The following KCNIP3 variants were observed in gnomAD, a reference collection of about 807,000 sequenced individuals.
The protein encoded by KCNIP3 is calsenilin.
KCNIP3 carries 28 observed loss-of-function variants against 35.0 expected under a neutral mutation model. That is an observed-to-expected ratio of 0.80 (90% CI 0.59 to 1.10). The LOEUF (loss-of-function observed/expected upper bound fraction) is 1.10, where lower values mean the gene tolerates loss of function less well. Among genes scored for constraint, KCNIP3 ranks in the 50% least tolerant of loss-of-function variants. The pLI is 0.00. For synonymous variants in KCNIP3, 134 were observed against 133.8 expected, an observed-to-expected ratio of 1.00 and a Z score of -0.01; for missense variants, 295 against 338.4, an observed-to-expected ratio of 0.87 and a Z score of 1.01.
chr2:95,346,765 A>C (rs1304209199), intron 2 of KCNIP3: 1 of 157,030 alleles, frequency 6.4e-6, no homozygotes, highest in Non-Finnish European at 1.4e-5. Context: ...TTGCCGGCTG[A>C]CTCGGAAAGT....
intron 2 of KCNIP3, among the ~76,000 whole-genome samples, chr2:95,368,224 C>T (rs1397393742): frequency 6.6e-6 from 1 of 152,160 alleles, no homozygotes; most frequent in African/African-American, 2.4e-5. Context: ...CAGAATAACC[C>T]TGAGACTTGA....
At chr2:95,318,619 C>A (rs1648768539) in intron 2 of KCNIP3, among the ~76,000 whole-genome samples, 1 of 152,172 alleles carries the variant, frequency 6.6e-6, no homozygotes, top group Non-Finnish European at 1.5e-5. Context: ...TCTGCCTGCA[C>A]CCGGGGCTGA....
chr2:95,317,364 G>A (rs981657323), intron 2 of KCNIP3, among the ~76,000 whole-genome samples: 11 of 152,208 alleles, frequency 7.2e-5, no homozygotes, highest in African/African-American at 2.4e-4. Context: ...CCAGGAAGCC[G>A]CAGGGGCCCT....
Position 95,382,431 on chromosome 2 carries a change from C to A in KCNIP3, c.610C>A (p.Pro204Thr), listed in dbSNP as rs1470631661. The part of the protein sequence containing the change: ...IYDMMGRHTY[P>T]ILREDAPAEH... Reference sequence around the variant, plus strand: ...TGACATGATGGGCCGCCACACCTACCCCATCCTGCGGGAGGACGCGCCGGC... The same window carrying A: ...TGACATGATGGGCCGCCACACCTACACCATCCTGCGGGAGGACGCGCCGGC... The change falls in exon 7 of 9, where the codon CCC becomes ACC. Residue 204 changes from proline to threonine, a missense_variant. Transcript: ENST00000295225. The surrounding 1 kb of genome is among the most constrained non-coding windows in gnomAD (Gnocchi z 4.5). 6.2e-7 allele frequency: 1 copy of A among 1,609,676 alleles called. No individual in the cohort carries two copies. The highest frequency in any genetic ancestry group is 8.5e-7 in the Non-Finnish European group (1 of 1,178,290).
At position 95,383,838 on chromosome 2, in the gene KCNIP3, C is replaced by T. The variant is rs547086377; in HGVS notation, c.724-164C>T. Among the ~76,000 whole-genome samples, 11 of 152,288 alleles carry T rather than the reference C, an allele frequency of 7.2e-5. No individual in the cohort carries two copies. The East Asian group carries it at 2.1e-3, about 29-fold the overall frequency. On this transcript the variant is annotated intron_variant, in intron 8 of 8. Transcript: ENST00000295225. Reference sequence around the variant, plus strand: ...GCTGTGCCTCACCAGCTGGGGACCTCGGACCAGCTACTTCACCTCCCTGTC... The same window carrying T: ...GCTGTGCCTCACCAGCTGGGGACCTTGGACCAGCTACTTCACCTCCCTGTC...
At chr2:95,309,938 C>A (rs1678268475) in intron 1 of KCNIP3, among the ~76,000 whole-genome samples, 1 of 152,238 alleles carries the variant, frequency 6.6e-6, no homozygotes, top group Non-Finnish European at 1.5e-5. Context: ...AGTGAGGGAG[C>A]CAGACGTGGC....
intron 2 of KCNIP3, among the ~76,000 whole-genome samples, chr2:95,354,835 G>A (rs1679616479): frequency 6.6e-6 from 1 of 152,188 alleles, no homozygotes; most frequent in African/African-American, 2.4e-5. Flanking sequence ...GGGGCCAGTG[G>A]TGATGCTGTG....
chr2:95,320,512 C>T (rs1015139999), intron 2 of KCNIP3, among the ~76,000 whole-genome samples: 8 of 152,064 alleles, frequency 5.3e-5, no homozygotes, highest in African/African-American at 1.2e-4. Context: ...TGCCACCCCT[C>T]GGCCTGTCTC....
intron 3 of KCNIP3, 57 bp from the exon 4 acceptor site, chr2:95,374,791 G>GA (rs1401091653): frequency 2.5e-6 from 4 of 1,576,618 alleles, no homozygotes; most frequent in Non-Finnish European, 3.5e-6. Context: ...GCACCATGCA[G>GA]AGTCGGGCTT....
At chr2:95,311,995 C>CTGTTCATT (rs1678332300) in intron 2 of KCNIP3, 2 of 152,232 alleles carry the variant, frequency 1.3e-5, no homozygotes, top group Non-Finnish European at 2.9e-5. Context: ...TGAAAATGCG[C>CTGTTCATT]CTGCTCTCCC....
intron 2 of KCNIP3, among the ~76,000 whole-genome samples, chr2:95,341,326 A>G (rs1558768107): frequency 6.6e-6 from 1 of 152,178 alleles, no homozygotes; most frequent in Non-Finnish European, 1.5e-5. Context: ...GATTGAGGAT[A>G]CCAGCACCAC....
chr2:95,322,504 C>A (rs1678620996), intron 2 of KCNIP3, among the ~76,000 whole-genome samples: 1 of 152,206 alleles, frequency 6.6e-6, no homozygotes, highest in South Asian at 2.1e-4. Flanking sequence ...GCATCTCAGT[C>A]TCCTCATCCA....
At chr2:95,316,286 T>A (rs572649548) in intron 2 of KCNIP3, among the ~76,000 whole-genome samples, 1 of 152,368 alleles carries the variant, frequency 6.6e-6, no homozygotes, top group African/African-American at 2.4e-5. Context: ...CACATTTAAC[T>A]GTGGTGCACA....
rs929939643 is a variant in KCNIP3, at chr2:95,322,522, C to T, written c.181+12002C>T. Reference sequence around the variant, plus strand: ...TCTCAGTCTCCTCATCCATCAAATGCGCACAGTGGAGAGTGGTTTTAAGGA... The same window carrying T: ...TCTCAGTCTCCTCATCCATCAAATGTGCACAGTGGAGAGTGGTTTTAAGGA... On this transcript the variant is annotated intron_variant, in intron 2 of 8. Coordinates refer to ENST00000295225, the MANE Select transcript of KCNIP3 (RefSeq NM_013434.5). Among the ~76,000 whole-genome samples the T allele has an allele frequency of 6.6e-5, 10 of 152,244 alleles. No individual in the cohort carries two copies. In the East Asian group the frequency reaches 7.7e-4, roughly 12 times the overall value.
chr2:95,374,862 C>T lies in KCNIP3; in HGVS notation c.321C>T (p.Gly107=), dbSNP rs769070173. 1 of 1,613,878 alleles carries T rather than the reference C, an allele frequency of 6.2e-7. No homozygotes were observed. Among genetic ancestry groups the T allele is most frequent in the South Asian group, 1.1e-5 (1 of 91,088 alleles). The part of the protein sequence containing the change: ...YRGFKNECPT[G]LVDEDTFKLI... ...TCCTGCTGCAGGAGTGTCCCACGGG[C>T]CTGGTGGACGAAGACACCTTCAAAC... Residue 107 remains glycine, a synonymous_variant, in exon 4 of 9, where the codon GGC becomes GGT. Transcript: ENST00000295225.
intron 1 of KCNIP3, among the ~76,000 whole-genome samples, chr2:95,307,762 G>A (rs560395505): frequency 1.3e-5 from 2 of 152,336 alleles, no homozygotes; most frequent in East Asian, 1.9e-4. Flanking sequence ...CTGCAGACGG[G>A]GCTGGGGGTC....
intron 1 of KCNIP3, among the ~76,000 whole-genome samples, chr2:95,302,840 C>T (rs1215039408): frequency 6.6e-6 from 1 of 152,238 alleles, no homozygotes; most frequent in Non-Finnish European, 1.5e-5. Flanking sequence ...GCCGTGCCCT[C>T]TGAGCCCACA....
intron 2 of KCNIP3, among the ~76,000 whole-genome samples, chr2:95,325,674 TACAC>T (rs1036573926): frequency 2.1e-5 from 3 of 144,412 alleles, no homozygotes; most frequent in Admixed American, 6.8e-5. Context: ...CTCATACACA[TACAC>T]ACTCATACAC....
chr2:95,302,659 G>A (rs1305237042), intron 1 of KCNIP3, among the ~76,000 whole-genome samples: 1 of 152,176 alleles, frequency 6.6e-6, no homozygotes, highest in Non-Finnish European at 1.5e-5. Context: ...CCCCCATTTT[G>A]CAGATGAGTA....
Sources: gnomAD v4.1 joint callset for allele counts (sites outside exome capture counted in the v4.1 genomes callset) on GRCh38, gnomAD v4.1.1 for gene constraint, Gnocchi (gnomAD v3.1) non-coding constraint, MANE v1.5 for transcripts, NCBI Gene and HGNC (gene_info 2026-07-23, HGNC 2026-07-21) for gene names.